MAN1C1: variants seen among roughly 807,000 people sequenced by gnomAD.
MAN1C1 encodes the protein mannosidase alpha class 1C member 1.
A neutral mutation model predicts 71.5 loss-of-function variants in MAN1C1; 49 were observed. The ratio of observed to expected loss-of-function variants is 0.69; its 90% CI spans 0.54 to 0.87. The LOEUF (loss-of-function observed/expected upper bound fraction) is 0.87. MAN1C1 is among the 40% of genes least tolerant of loss of function. The probability of loss-of-function intolerance (pLI) is 0.00; values close to 1 mark genes in which losing one functional copy is unlikely to be tolerated. For synonymous variants in MAN1C1, 352 were observed against 343.7 expected (o/e 1.02, Z -0.27); for missense variants, 743 against 835.0 (o/e 0.89, Z 1.36).
intron 2 of MAN1C1, among the ~76,000 whole-genome samples, chr1:25,733,886 G>A (rs1005349720): frequency 6.0e-5 from 9 of 149,012 alleles, no homozygotes; most frequent in Non-Finnish European, 1.0e-4. Flanking sequence ...TGCAAGCTCC[G>A]CCTCCCGTGC....
At position 25,660,355 on chromosome 1, in the gene MAN1C1, C is replaced by G. The variant is rs372535793; in HGVS notation, c.541-26085C>G. On this transcript the variant is annotated intron_variant, in intron 1 of 11. Transcript: ENST00000374332. ...GACAGAGGTTGCGGTGAGCTGAGATCGCGCCATTGCACTCTAGCTTGGGCA... is the reference window on the plus strand; with the variant it reads ...GACAGAGGTTGCGGTGAGCTGAGATGGCGCCATTGCACTCTAGCTTGGGCA... Among the ~76,000 whole-genome samples the G allele has an allele frequency of 2.1e-4, 31 of 149,368 alleles. No homozygotes were observed. The South Asian group carries it at 6.4e-3, about 31-fold the overall frequency.
chr1:25,667,100 G>A (rs1180136718), intron 1 of MAN1C1, among the ~76,000 whole-genome samples: 2 of 152,214 alleles, frequency 1.3e-5, no homozygotes, highest in African/African-American at 4.8e-5. Context: ...TCTTGGGGAG[G>A]AGGATGTGAG....
chr1:25,783,625 A>G (rs374151241), intron 11 of MAN1C1, 38 bp from the exon 12 acceptor site: 26 of 1,603,910 alleles, frequency 1.6e-5, no homozygotes, highest in Non-Finnish European at 2.0e-5. Context: ...GGCCACTGAC[A>G]GACTGTGTCT....
intron 1 of MAN1C1, among the ~76,000 whole-genome samples, chr1:25,625,995 G>C (rs570063647): frequency 6.6e-6 from 1 of 151,980 alleles, no homozygotes; most frequent in South Asian, 2.1e-4. Flanking sequence ...TTGTTTATTC[G>C]TTCACCTGTT....
At chr1:25,654,396 G>C (rs2045734349) in intron 1 of MAN1C1, 1 of 152,214 alleles carries the variant, frequency 6.6e-6, no homozygotes, top group African/African-American at 2.4e-5. Flanking sequence ...AAGCAGTTTT[G>C]ACTTTGAGCT....
intron 6 of MAN1C1, 77 bp from the exon 7 acceptor site, chr1:25,763,797 C>G: frequency 8.4e-7 from 1 of 1,190,534 alleles, no homozygotes; most frequent in Non-Finnish European, 1.3e-6. Flanking sequence ...AACCAGCTGC[C>G]TCCCATCCTC....
At chr1:25,731,146 G>A (rs980898563) in intron 2 of MAN1C1, among the ~76,000 whole-genome samples, 77 of 152,248 alleles carry the variant, frequency 5.1e-4, no homozygotes, top group African/African-American at 1.8e-3. Flanking sequence ...GCGAAACCCC[G>A]TCTGTACAAA....
chr1:25,649,486 C>CT (rs1300935346), intron 1 of MAN1C1, among the ~76,000 whole-genome samples: 1 of 152,214 alleles, frequency 6.6e-6, no homozygotes, highest in Non-Finnish European at 1.5e-5. Context: ...CACTTGTCCT[C>CT]TTGACTTTCT....
At chr1:25,646,836 T>C (rs997507936) in intron 1 of MAN1C1, among the ~76,000 whole-genome samples, 1 of 152,248 alleles carries the variant, frequency 6.6e-6, no homozygotes, top group Non-Finnish European at 1.5e-5. Flanking sequence ...ACATTTGGAT[T>C]GTTTCCACCT....
chr1:25,742,058 C>T (rs1223847191), intron 2 of MAN1C1, among the ~76,000 whole-genome samples: 1 of 152,184 alleles, frequency 6.6e-6, no homozygotes, highest in Non-Finnish European at 1.5e-5. Flanking sequence ...CAAGAAAGTG[C>T]TGTGGGCACT....
At chr1:25,722,076 TC>T (rs2046773778) in intron 2 of MAN1C1, among the ~76,000 whole-genome samples, 1 of 152,236 alleles carries the variant, frequency 6.6e-6, no homozygotes, top group Admixed American at 6.5e-5. Flanking sequence ...AAGATGGAAG[TC>T]ATTTTCCCTC....
rs141521214 is a variant in MAN1C1 at position 25,779,860 on chromosome 1, G to A, written c.1478-1080G>A. On this transcript the variant is annotated intron_variant, in intron 9 of 11. Coordinates refer to ENST00000374332, the MANE Select transcript of MAN1C1 (RefSeq NM_020379.4). The surrounding 1 kb of genome is among the most constrained non-coding windows in gnomAD (Gnocchi z 4.6). The stretch of plus-strand genomic sequence containing the variant: ...TAAAAGCAACCTAGGGCCTCTCAGG[G>A]TTTTGAACCCTGGTAGTAGGGAAGA... Among the ~76,000 whole-genome samples, 106 of 152,324 alleles carry A rather than the reference G, an allele frequency of 7.0e-4. 1 individual carries two copies. The highest frequency in any genetic ancestry group is 2.5e-3 in the African/African-American group (102 of 41,574).
In MAN1C1 at chr1:25,775,267, G is replaced by T. The variant is rs1442158181; in HGVS notation, c.1258-2838G>T. ...TGGCTCTGCCCGGGAGCCAGGCCGG[G>T]CCCAGAGCAGACCCCTGCCTGCAGC... On this transcript the variant is annotated intron_variant, in intron 8 of 11. Coordinates refer to ENST00000374332, the MANE Select transcript of MAN1C1 (RefSeq NM_020379.4). This position sits in a 1 kb window ranked among gnomAD's most constrained non-coding sequence, Gnocchi z 5.1. Among the ~76,000 whole-genome samples the T allele has an allele frequency of 6.6e-6, 1 of 152,216 alleles. No homozygotes were observed. Among genetic ancestry groups the T allele is most frequent in the African/African-American group, 2.4e-5 (1 of 41,454 alleles).
intron 1 of MAN1C1, among the ~76,000 whole-genome samples, chr1:25,674,181 G>A (rs2046032484): frequency 6.6e-6 from 1 of 152,182 alleles, no homozygotes; most frequent in South Asian, 2.1e-4. Context: ...ACCTGCTCTT[G>A]CTGTTGTGGC....
chr1:25,718,005 C>T (rs1285010367), intron 2 of MAN1C1, among the ~76,000 whole-genome samples: 1 of 151,798 alleles, frequency 6.6e-6, no homozygotes, highest in Non-Finnish European at 1.5e-5. Context: ...TATTTACACA[C>T]ACACACACAC....
intron 2 of MAN1C1, among the ~76,000 whole-genome samples, chr1:25,715,614 G>A (rs1228217024): frequency 6.6e-6 from 1 of 152,176 alleles, no homozygotes; most frequent in Non-Finnish European, 1.5e-5. Flanking sequence ...CCATGCCATG[G>A]TCTTTCAGCT....
chr1:25,636,323 A>AGGCCGTGTTTCAGTCCTTATCTC (rs2045459208), intron 1 of MAN1C1, among the ~76,000 whole-genome samples: 1 of 152,160 alleles, frequency 6.6e-6, no homozygotes, highest in Non-Finnish European at 1.5e-5. Flanking sequence ...GCAGGAGACC[A>AGGCCGTGTTTCAGTCCTTATCTC]GGCCGTGTTT....
chr1:25,696,700 G>A (rs1041395812), intron 2 of MAN1C1, among the ~76,000 whole-genome samples: 1 of 152,116 alleles, frequency 6.6e-6, no homozygotes, highest in African/African-American at 2.4e-5. Flanking sequence ...AGACTGGAGT[G>A]CAGTGGTGTG....
chr1:25,761,417 A>T (rs2047356991), intron 6 of MAN1C1: 2 of 152,146 alleles, frequency 1.3e-5, no homozygotes, highest in South Asian at 4.1e-4. Context: ...AATGGCCAGA[A>T]TACTTAAGCA....
Sources: allele counts gnomAD v4.1 joint callset (sites outside exome capture counted in the v4.1 genomes callset), GRCh38; gene constraint gnomAD v4.1.1; non-coding constraint Gnocchi (gnomAD v3.1); transcripts MANE v1.5; gene names NCBI Gene and HGNC (gene_info 2026-07-23, HGNC 2026-07-21).